Variants in SECISBP2 observed in about 807,000 individuals in gnomAD.
The protein encoded by SECISBP2 is selenocysteine insertion sequence-binding protein 2.
In SECISBP2, 96 loss-of-function variants were observed where a neutral mutation model predicts 98.2. The ratio of observed to expected loss-of-function variants is 0.98; its 90% CI spans 0.83 to 1.16. The LOEUF (loss-of-function observed/expected upper bound fraction) is 1.16, where lower values mean the gene tolerates loss of function less well. SECISBP2 is among the 50% of genes most tolerant of loss of function. The probability of loss-of-function intolerance (pLI) is 0.00; values close to 1 mark genes in which losing one functional copy is unlikely to be tolerated. For synonymous variants in SECISBP2, 407 were observed against 370.2 expected, an observed-to-expected ratio of 1.10 and a Z score of -1.14; for missense variants, 1,046 against 1,022.9, an observed-to-expected ratio of 1.02 and a Z score of -0.31.
At chr9:89,346,049 T>C (rs1384269189) in intron 10 of SECISBP2, among the ~76,000 whole-genome samples, 2 of 152,214 alleles carry the variant, frequency 1.3e-5, no homozygotes, top group Non-Finnish European at 2.9e-5. Flanking sequence ...TTTAAAAACA[T>C]GTTCCAAAAT....
rs1461215320 is a variant in SECISBP2 at position 89,334,381 on chromosome 9, G to C, written c.881-141G>C. ...AAAAACAAGTTTAGTGACTACTATA[G>C]TTTCCAAGAGGATGTTTTAAATGAT... On this transcript the variant is annotated intron_variant, in intron 6 of 16. Coordinates refer to ENST00000375807, the MANE Select transcript of SECISBP2 (RefSeq NM_024077.5). 6 of 860,590 alleles carry C rather than the reference G, an allele frequency of 7.0e-6. No individual in the cohort carries two copies. In the Admixed American group the frequency reaches 1.0e-4, roughly 15 times the overall value. The allele number at this position is 860,590 out of a possible 1,614,324, so 53.3% of individuals were successfully genotyped here.
intron 14 of SECISBP2, among the ~76,000 whole-genome samples, chr9:89,351,968 A>C (rs1296240498): frequency 6.6e-6 from 1 of 152,132 alleles, no homozygotes; most frequent in African/African-American, 2.4e-5. Context: ...TTCCTTTCCT[A>C]GCAACTCCAC....
intron 10 of SECISBP2, among the ~76,000 whole-genome samples, chr9:89,342,890 C>T (rs1320627244): frequency 6.6e-6 from 1 of 152,178 alleles, no homozygotes; most frequent in African/African-American, 2.4e-5. Flanking sequence ...GAATTGTGCA[C>T]TTAAAAACAG....
At chr9:89,330,853 C>T (rs971157449) in intron 5 of SECISBP2, among the ~76,000 whole-genome samples, 1 of 152,144 alleles carries the variant, frequency 6.6e-6, no homozygotes, top group African/African-American at 2.4e-5. Flanking sequence ...AGGGTCAGCT[C>T]GTGGAGTGAG....
At chr9:89,351,746 G>A (rs774146216) in intron 14 of SECISBP2, among the ~76,000 whole-genome samples, 1 of 152,210 alleles carries the variant, frequency 6.6e-6, no homozygotes, top group Non-Finnish European at 1.5e-5. Context: ...TCCTAACTTG[G>A]TACGGGTCCA....
At chr9:89,350,926 C>A in intron 14 of SECISBP2, 74 bp downstream of exon 14, 1 of 1,262,376 alleles carries the variant, frequency 7.9e-7, no homozygotes, top group Non-Finnish European at 1.2e-6. Context: ...GTTTGCCACA[C>A]ACCTCAGCGG....
At chr9:89,340,702 C>G (rs1829523729) in intron 9 of SECISBP2, among the ~76,000 whole-genome samples, 1 of 152,276 alleles carries the variant, frequency 6.6e-6, no homozygotes, top group South Asian at 2.1e-4. Flanking sequence ...TTGGTGTCCT[C>G]TAAGAGAACA....
intron 10 of SECISBP2, 142 bp from the exon 11 acceptor site, chr9:89,346,740 A>G (rs1830472771): frequency 1.2e-6 from 1 of 815,482 alleles, no homozygotes; most frequent in East Asian, 2.5e-5. Context: ...CTCAAAGATG[A>G]GAAGGGTTGT....
At position 89,358,081 on chromosome 9, in the gene SECISBP2, T is replaced by A. The variant is rs753781459; in HGVS notation, c.2351T>A (p.Leu784Gln). 32 of 1,613,558 alleles carry A rather than the reference T, an allele frequency of 2.0e-5. No individual in the cohort carries two copies. The East Asian group carries it at 7.1e-4, about 36-fold the overall frequency. ...KTMLENVQQELVGEPRPQAPP... is the reference protein window; with the variant it reads ...KTMLENVQQEQVGEPRPQAPP... ...ATGCTGGAGAATGTGCAGCAGGAGCTGGTGGGAGAGCCCAGGCCTCAGGCA... is the reference window on the plus strand; with the variant it reads ...ATGCTGGAGAATGTGCAGCAGGAGCAGGTGGGAGAGCCCAGGCCTCAGGCA... Residue 784 changes from leucine to glutamine, a missense_variant, in exon 16 of 17, where the codon CTG (leucine) becomes CAG (glutamine). Leu to Gln is a moderately radical substitution (Grantham distance 113). Coordinates refer to ENST00000375807, the MANE Select transcript of SECISBP2 (RefSeq NM_024077.5).
chr9:89,363,849 G>A (rs200510870), downstream of SECISBP2: 225 of 1,614,138 alleles, frequency 1.4e-4, 2 homozygotes, highest in Middle Eastern at 6.4e-3. Context: ...AGCCAGCTGA[G>A]TGCATGGGCC....
downstream of SECISBP2, chr9:89,362,291 CA>C: frequency 6.3e-7 from 1 of 1,591,992 alleles, no homozygotes; most frequent in Non-Finnish European, 8.6e-7. Flanking sequence ...CAGGCTTGGG[CA>C]AGACAGTTCA....
Position 89,358,223 on chromosome 9 carries a change from G to A in SECISBP2, c.2461+32G>A, listed in dbSNP as rs188269355. On this transcript the variant is annotated intron_variant, in intron 16 of 16. Transcript: ENST00000375807. The stretch of plus-strand genomic sequence containing the variant: ...GCTTAAGGGAGAGTTGTGTCAGGTC[G>A]AGTGTCCTCTTATTTACTGACTTTA... The A allele has an allele frequency of 8.8e-6, 14 of 1,591,990 alleles. 2 individuals carry two copies. The South Asian group carries it at 9.0e-5, about 10-fold the overall frequency.
At chr9:89,350,139 A>T (rs1006574497) in intron 13 of SECISBP2, among the ~76,000 whole-genome samples, 8 of 152,304 alleles carry the variant, frequency 5.3e-5, no homozygotes, top group African/African-American at 1.9e-4. Flanking sequence ...TCTTGTATTA[A>T]TGATGGAAGA....
Position 89,349,964 on chromosome 9 carries a change from A to G in SECISBP2, c.1892+35A>G, listed in dbSNP as rs201139687. 4.3e-6 allele frequency: 7 copies of G among 1,612,908 alleles called. No homozygotes were observed. In the African/African-American group the frequency reaches 8.0e-5, roughly 18 times the overall value. On this transcript the variant is annotated intron_variant, in intron 13 of 16. Transcript: ENST00000375807. ...CCCCTGCCTGCCAGGGACTAGGGGA[A>G]GATGGAAGTGCTTCGGTTCAGTATG...
At chr9:89,338,395 A>G (rs1181564396) in intron 7 of SECISBP2, 63 bp from the exon 8 acceptor site, 1 of 1,570,340 alleles carries the variant, frequency 6.4e-7, no homozygotes, top group Non-Finnish European at 8.7e-7. Flanking sequence ...GTTGATACAT[A>G]GTATTAAACA....
the SECISBP2 span, chr9:89,365,577 CAAAAT>C: frequency 1.3e-5 from 2 of 152,228 alleles, no homozygotes; most frequent in East Asian, 3.9e-4. Flanking sequence ...CTCACAATGA[CAAAAT>C]GAAGTGTGGC....
At chr9:89,320,662 T>A (rs1211083473) in intron 2 of SECISBP2, among the ~76,000 whole-genome samples, 1 of 152,246 alleles carries the variant, frequency 6.6e-6, no homozygotes, top group Non-Finnish European at 1.5e-5. Context: ...CTTAAGTTCT[T>A]CTAAATTTGA....
intron 8 of SECISBP2, 54 bp downstream of exon 8, chr9:89,338,634 AAAAG>A: frequency 6.4e-7 from 1 of 1,568,354 alleles, no homozygotes; most frequent in Middle Eastern, 2.2e-4. Flanking sequence ...GGTCTTTCTT[AAAAG>A]AAACTTGGGT....
chr9:89,330,702 A>G (rs889536664), intron 5 of SECISBP2, among the ~76,000 whole-genome samples: 1 of 152,198 alleles, frequency 6.6e-6, no homozygotes, highest in African/African-American at 2.4e-5. Context: ...CTATCTAAAA[A>G]TCATAGTTCC....
Sources: allele counts gnomAD v4.1 joint callset (sites outside exome capture counted in the v4.1 genomes callset), GRCh38; gene constraint gnomAD v4.1.1; transcripts MANE v1.5; gene names NCBI Gene and HGNC (gene_info 2026-07-23, HGNC 2026-07-21).